The following MARCHF1 variants were observed in gnomAD, a reference collection of about 807,000 sequenced individuals.
MARCHF1 encodes the protein membrane associated ring-CH-type finger 1.
Under a neutral mutation model 54.2 loss-of-function variants are expected in MARCHF1, and 40 were observed. The observed-to-expected ratio is 0.74, with a 90% CI of 0.57 to 0.96. The LOEUF is 0.96. Ranked by LOEUF, MARCHF1 falls within the 40% of genes least tolerant of loss-of-function variation. The pLI is 0.00. For missense variants in MARCHF1, 586 were observed against 656.5 expected (o/e 0.89, Z 1.17); for synonymous variants, 236 against 236.3 (o/e 1.00, Z 0.01).
At chr4:164,021,395 T>C (rs1753661481) in intron 2 of MARCHF1, among the ~76,000 whole-genome samples, 1 of 152,166 alleles carries the variant, frequency 6.6e-6, no homozygotes, top group Admixed American at 6.5e-5. Flanking sequence ...AGTCTCAGAG[T>C]GCTTCACCAT....
At chr4:164,332,686 A>G (rs1183589742) in intron 1 of MARCHF1, among the ~76,000 whole-genome samples, 2 of 152,216 alleles carry the variant, frequency 1.3e-5, no homozygotes, top group Non-Finnish European at 2.9e-5. Context: ...CTAGAACTCA[A>G]TGCAACTGGT....
chr4:164,333,393 C>T (rs1729627491), intron 1 of MARCHF1, among the ~76,000 whole-genome samples: 1 of 152,122 alleles, frequency 6.6e-6, no homozygotes, highest in Non-Finnish European at 1.5e-5. Flanking sequence ...TTTCAAAAAG[C>T]ATGTACTCAC....
Position 163,686,312 on chromosome 4 carries a change from G to C in MARCHF1, c.162+14501C>G, listed in dbSNP as rs201055888. Among the ~76,000 whole-genome samples the C allele has an allele frequency of 4.0e-5, 6 of 151,654 alleles. No individual in the cohort carries two copies. The East Asian group carries it at 1.2e-3, about 30-fold the overall frequency. ...GCAAACAAAGCTTCTTGTTATACTTGGGCAGAAAAAGGTCTATCTACAAAT... is the reference window on the plus strand; with the variant it reads ...GCAAACAAAGCTTCTTGTTATACTTCGGCAGAAAAAGGTCTATCTACAAAT... On this transcript the variant is annotated intron_variant, in intron 5 of 9. Coordinates refer to ENST00000514618, the MANE Select transcript of MARCHF1 (RefSeq NM_001394959.1).
intron 8 of MARCHF1, among the ~76,000 whole-genome samples, chr4:163,547,234 C>G (rs540919761): frequency 6.6e-6 from 1 of 152,222 alleles, no homozygotes; most frequent in South Asian, 2.1e-4. Context: ...TCATGAGGAG[C>G]AGATTTCAAC....
At position 163,600,077 on chromosome 4, in the gene MARCHF1, A is replaced by G. The variant is rs1207074420; in HGVS notation, c.1010+12194T>C. Among the ~76,000 whole-genome samples, 8 of 152,304 alleles carry G rather than the reference A, an allele frequency of 5.3e-5. 1 individual carries two copies. In the East Asian group the frequency reaches 1.5e-3, roughly 29 times the overall value. On this transcript the variant is annotated intron_variant, in intron 7 of 9. Transcript: ENST00000514618. ...CAGGCTTCTTTTCTGGTGTGTCTAA[A>G]TTATAAGAGATACACTCAAGTAGAC...
chr4:164,151,916 C>T (rs1419941144), intron 1 of MARCHF1, among the ~76,000 whole-genome samples: 1 of 151,958 alleles, frequency 6.6e-6, no homozygotes, highest in African/African-American at 2.4e-5. Flanking sequence ...TGACCTTTGC[C>T]CTTCACAATC....
intron 1 of MARCHF1, among the ~76,000 whole-genome samples, chr4:164,185,808 AC>A (rs1363065242): frequency 1.2e-4 from 5 of 42,020 alleles, no homozygotes; most frequent in African/African-American, 3.6e-4. Context: ...ACACACACAC[AC>A]AAAAAAAAAA....
chr4:163,561,009 T>C (rs1207202869), intron 8 of MARCHF1, among the ~76,000 whole-genome samples: 1 of 152,154 alleles, frequency 6.6e-6, no homozygotes, highest in Non-Finnish European at 1.5e-5. Flanking sequence ...TGCTTTTATT[T>C]GTTTTTCTTG....
chr4:163,723,785 C>G (rs1745558855), intron 4 of MARCHF1, among the ~76,000 whole-genome samples: 1 of 152,194 alleles, frequency 6.6e-6, no homozygotes, highest in Admixed American at 6.5e-5. Flanking sequence ...GATCTTCAAT[C>G]ACTGATACCC....
chr4:164,306,321 T>C (rs1734694149), intron 1 of MARCHF1, among the ~76,000 whole-genome samples: 1 of 152,146 alleles, frequency 6.6e-6, no homozygotes, highest in Non-Finnish European at 1.5e-5. Context: ...TAGAATTATA[T>C]AATTCTATGA....
chr4:163,941,765 T>C (rs1047799712), intron 3 of MARCHF1, among the ~76,000 whole-genome samples: 1 of 152,254 alleles, frequency 6.6e-6, no homozygotes, highest in Non-Finnish European at 1.5e-5. Context: ...TATCACAGAG[T>C]TGTTGCAGTG....
chr4:163,532,195 A>G (rs1359736639), intron 9 of MARCHF1, among the ~76,000 whole-genome samples: 2 of 151,978 alleles, frequency 1.3e-5, no homozygotes, highest in South Asian at 2.1e-4. Context: ...CTTGATTACT[A>G]CCACTACGGT....
At chr4:163,596,539 A>G (rs1364254882) in intron 7 of MARCHF1, among the ~76,000 whole-genome samples, 1 of 39,710 alleles carries the variant, frequency 2.5e-5, no homozygotes, top group Non-Finnish European at 4.9e-5. Context: ...GGCTGTCTCA[A>G]AAAAAAAAAA....
chr4:164,340,532 C>T (rs1032148514), intron 1 of MARCHF1, among the ~76,000 whole-genome samples: 10 of 150,066 alleles, frequency 6.7e-5, no homozygotes, highest in African/African-American at 1.7e-4. Flanking sequence ...TGAGTTCCAG[C>T]GATTCTCCTG....
At chr4:164,098,787 A>C (rs1418303049) in intron 2 of MARCHF1, among the ~76,000 whole-genome samples, 2 of 152,166 alleles carry the variant, frequency 1.3e-5, no homozygotes. Context: ...CTGACCATCT[A>C]TATTCATAAC....
chr4:164,240,070 A>T lies in MARCHF1; in HGVS notation c.-322-128408T>A, dbSNP rs542670863. Among the ~76,000 whole-genome samples the T allele has an allele frequency of 2.0e-5, 3 of 152,314 alleles. No individual in the cohort carries two copies. The South Asian group carries it at 6.2e-4, about 32-fold the overall frequency. ...GCTAAGCATTGACATAAACTGGACA[A>T]ATGAAATAGATTGTTCATCTCAAGA... On this transcript the variant is annotated intron_variant, in intron 1 of 9. Coordinates refer to ENST00000514618, the MANE Select transcript of MARCHF1 (RefSeq NM_001394959.1).
intron 5 of MARCHF1, among the ~76,000 whole-genome samples, chr4:163,652,586 C>G (rs1743005921): frequency 6.6e-6 from 1 of 151,784 alleles, no homozygotes; most frequent in Non-Finnish European, 1.5e-5. Flanking sequence ...GTCCCCGTTT[C>G]CAGTAACACT....
Position 164,220,875 on chromosome 4 carries a change from TA to T in MARCHF1, c.-322-109214del, listed in dbSNP as rs780661157. 2.6e-5 allele frequency among the ~76,000 whole-genome samples: 4 copies of T among 151,288 alleles called. No homozygotes were observed. The East Asian group carries it at 5.8e-4, about 22-fold the overall frequency. ...TTATCATAAATAAAATACATTTATT[TA>T]AAAAAACAAAACAGTAGTAGACAGT... is the stretch of plus-strand genomic sequence containing the variant. On this transcript the variant is annotated intron_variant, in intron 1 of 9. Transcript: ENST00000514618.
chr4:164,235,994 G>A (rs530828708), intron 1 of MARCHF1, among the ~76,000 whole-genome samples: 6 of 152,120 alleles, frequency 3.9e-5, no homozygotes, highest in Admixed American at 6.6e-5. Flanking sequence ...AGGTGTTTGC[G>A]TGCTATTTTT....
Sources: allele counts gnomAD v4.1 joint callset (sites outside exome capture counted in the v4.1 genomes callset), GRCh38; gene constraint gnomAD v4.1.1; transcripts MANE v1.5; gene names NCBI Gene and HGNC (gene_info 2026-07-23, HGNC 2026-07-21).